ARID1B: variants seen among roughly 807,000 people sequenced by gnomAD.
The protein encoded by ARID1B is AT-rich interaction domain 1B, also known as AT-rich interactive domain-containing protein 1B.
In ARID1B, 30 loss-of-function variants were observed where a neutral mutation model predicts 212.3. That is an observed-to-expected ratio of 0.14 (90% CI 0.11 to 0.19). The LOEUF is 0.19. Among genes scored for constraint, ARID1B ranks in the 10% least tolerant of loss-of-function variants. The pLI is 1.00. For missense variants in ARID1B, 2,891 were observed against 3,204.0 expected, an observed-to-expected ratio of 0.90 and a Z score of 2.36; for synonymous variants, 1,402 against 1,301.7, an observed-to-expected ratio of 1.08 and a Z score of -1.66.
intron 2 of ARID1B, among the ~76,000 whole-genome samples, chr6:156,859,154 C>T (rs1312837107): frequency 6.6e-6 from 1 of 152,074 alleles, no homozygotes; most frequent in Non-Finnish European, 1.5e-5. Flanking sequence ...TGCCTGTCGC[C>T]CAGGCTGGAG....
At chr6:156,917,220 GT>G (rs1435251453) in intron 3 of ARID1B, among the ~76,000 whole-genome samples, 3 of 152,112 alleles carry the variant, frequency 2.0e-5, no homozygotes, top group Non-Finnish European at 4.4e-5. Flanking sequence ...TATACGTATA[GT>G]TTCTCTTCAA....
chr6:156,960,426 A>G (rs1794293657), intron 4 of ARID1B, among the ~76,000 whole-genome samples: 1 of 152,226 alleles, frequency 6.6e-6, no homozygotes, highest in Non-Finnish European at 1.5e-5. Flanking sequence ...ATAGTAAAAT[A>G]AAAGTATATT....
intron 4 of ARID1B, chr6:156,984,925 C>A (rs1366070201): frequency 6.6e-6 from 1 of 152,320 alleles, no homozygotes; most frequent in East Asian, 1.9e-4. Flanking sequence ...AACTCCTGGA[C>A]TCAAGCAATC....
intron 4 of ARID1B, among the ~76,000 whole-genome samples, chr6:156,953,560 T>A (rs142433650): frequency 4.1e-4 from 62 of 152,216 alleles, no homozygotes; most frequent in African/African-American, 1.4e-3. Flanking sequence ...TTTGTTTTAC[T>A]CTCTCTGTCT....
intron 4 of ARID1B, among the ~76,000 whole-genome samples, chr6:156,973,589 A>G (rs73020050): frequency 0.013 from 2,004 of 152,338 alleles, 19 homozygotes; most frequent in Non-Finnish European, 0.021. Flanking sequence ...CAGAATTTCC[A>G]TATCAGATGG....
intron 5 of ARID1B, among the ~76,000 whole-genome samples, chr6:157,102,804 G>A (rs1325289653): frequency 6.6e-6 from 1 of 151,634 alleles, no homozygotes; most frequent in African/African-American, 2.4e-5. Flanking sequence ...TCACCATATT[G>A]ACCAGGCTGG....
At chr6:157,100,855 TC>T (rs1786004753) in intron 5 of ARID1B, among the ~76,000 whole-genome samples, 1 of 152,196 alleles carries the variant, frequency 6.6e-6, no homozygotes, top group Non-Finnish European at 1.5e-5. Flanking sequence ...GAAGGAAAGA[TC>T]CTGACCAGTT....
chr6:156,951,676 C>T (rs1793600886), intron 4 of ARID1B, among the ~76,000 whole-genome samples: 1 of 152,116 alleles, frequency 6.6e-6, no homozygotes, highest in Admixed American at 6.5e-5. Context: ...ATCTCCTGAC[C>T]TCGTGATCCG....
Position 156,778,651 on chromosome 6 carries a change from GCGGCGGCCC to G in ARID1B, c.980_988del (p.Pro327_Gly329del). 1 of 1,481,758 alleles carries G rather than the reference GCGGCGGCCC, an allele frequency of 6.7e-7. No individual in the cohort carries two copies. Among genetic ancestry groups the G allele is most frequent in the Non-Finnish European group, 9.0e-7 (1 of 1,112,604 alleles). The allele number at this position is 1,481,758 out of a possible 1,614,324, so 91.8% of individuals were successfully genotyped here. On this transcript the variant is annotated inframe_deletion, in exon 1 of 20. Coordinates refer to ENST00000636930, the MANE Select transcript of ARID1B (RefSeq NM_001374828.1). ...TACTATGGCAGCGCTGCCCCTGCGA[GCGGCGGCCC>G]CGGCGGCCGCGCTGGGCCTTGCTTT...
At chr6:156,809,467 A>G (rs1781409517) in intron 1 of ARID1B, among the ~76,000 whole-genome samples, 1 of 152,194 alleles carries the variant, frequency 6.6e-6, no homozygotes, top group Non-Finnish European at 1.5e-5. Flanking sequence ...CCACTGTTGC[A>G]GTGTAATCTT....
intron 4 of ARID1B, chr6:156,942,131 A>C (rs2128287383): frequency 6.6e-6 from 1 of 152,348 alleles, no homozygotes; most frequent in African/African-American, 2.4e-5. Context: ...GTTCCTAAAA[A>C]ATTAATGAAG....
At position 157,207,827 on chromosome 6, in the gene ARID1B, C is replaced by CTGT; in HGVS notation, c.7056_7058dup (p.Val2353dup). 6.6e-7 allele frequency: 1 copy of CTGT among 1,525,580 alleles called. No homozygotes were observed. Among genetic ancestry groups the CTGT allele is most frequent in the Non-Finnish European group, 8.8e-7 (1 of 1,134,900 alleles). 94.5% of individuals were successfully genotyped at this position (1,525,580 alleles called of 1,614,324 possible). ...CGGTTGCTGGATATCTCGATATCAGCTGTCCTGAACTCTCTGGTTGCATCT... is the reference window on the plus strand; with the variant it reads ...CGGTTGCTGGATATCTCGATATCAGCTGTTGTCCTGAACTCTCTGGTTGCATCT... On this transcript the variant is annotated inframe_insertion, in exon 20 of 20. Coordinates refer to ENST00000636930, the MANE Select transcript of ARID1B (RefSeq NM_001374828.1). This position sits in a 1 kb window ranked among gnomAD's most constrained non-coding sequence, Gnocchi z 8.5.
chr6:157,021,343 C>T (rs140202012), intron 4 of ARID1B, among the ~76,000 whole-genome samples: 2,091 of 152,350 alleles, frequency 0.014, 36 homozygotes, highest in African/African-American at 0.045. Flanking sequence ...CCCCGGAATC[C>T]CCCGGGAGTG....
At chr6:157,182,610 G>T (rs1374689133) in intron 12 of ARID1B, among the ~76,000 whole-genome samples, 1 of 152,164 alleles carries the variant, frequency 6.6e-6, no homozygotes, top group East Asian at 1.9e-4. Flanking sequence ...CTGCGTCTCG[G>T]GGGAGAAAGG....
intron 4 of ARID1B, among the ~76,000 whole-genome samples, chr6:156,972,447 T>C (rs149542122): frequency 1.3e-5 from 2 of 152,316 alleles, no homozygotes; most frequent in Non-Finnish European, 2.9e-5. Context: ...GAGTGTAAAA[T>C]TGCACAGATC....
rs187495166 is a variant in ARID1B, at chr6:156,878,000, A to G, written c.1987-23376A>G. Among the ~76,000 whole-genome samples the G allele has an allele frequency of 1.5e-3, 224 of 152,094 alleles. 1 individual carries two copies. In the East Asian group the frequency reaches 0.017, roughly 11 times the overall value. On this transcript the variant is annotated intron_variant, in intron 2 of 19. Coordinates refer to ENST00000636930, the MANE Select transcript of ARID1B (RefSeq NM_001374828.1). Reference sequence around the variant, plus strand: ...CAAAGTGTTGGGATTACAGGCGTGAACCACCGCGTCTGGCCCATGTTTATC... The same window carrying G: ...CAAAGTGTTGGGATTACAGGCGTGAGCCACCGCGTCTGGCCCATGTTTATC...
intron 4 of ARID1B, among the ~76,000 whole-genome samples, chr6:156,980,638 C>G (rs1777549772): frequency 1.3e-5 from 2 of 152,150 alleles, no homozygotes; most frequent in Non-Finnish European, 2.9e-5. Flanking sequence ...GTAGACAGTG[C>G]CGTGTAAAAT....
At chr6:157,149,370 C>A in intron 8 of ARID1B, 1 of 189,446 alleles carries the variant, frequency 5.3e-6, no homozygotes, top group Non-Finnish European at 1.1e-5. Context: ...TTCACCCTAC[C>A]ACAAGAATCT....
At chr6:157,152,950 G>A (rs963242551) in intron 8 of ARID1B, among the ~76,000 whole-genome samples, 4 of 152,296 alleles carry the variant, frequency 2.6e-5, no homozygotes, top group Admixed American at 6.5e-5. Context: ...AATCTGAAAA[G>A]GACAAATTAA....
Sources: gnomAD v4.1 joint callset for allele counts (sites outside exome capture counted in the v4.1 genomes callset) on GRCh38, gnomAD v4.1.1 for gene constraint, Gnocchi (gnomAD v3.1) non-coding constraint, MANE v1.5 for transcripts, NCBI Gene and HGNC (gene_info 2026-07-23, HGNC 2026-07-21) for gene names.